The following COL12A1 variants were observed in gnomAD, a reference collection of about 807,000 sequenced individuals.
The protein encoded by COL12A1 is collagen alpha-1(XII) chain.
COL12A1 carries 114 observed loss-of-function variants against 349.7 expected under a neutral mutation model. The observed-to-expected ratio is 0.33, with a 90% CI of 0.28 to 0.38. The LOEUF is 0.38. COL12A1 is among the 10% of genes least tolerant of loss of function. The pLI, the probability that COL12A1 is intolerant of heterozygous loss-of-function variation, is 1.00. For synonymous variants in COL12A1, 1,369 were observed against 1,329.0 expected (o/e 1.03, Z -0.66); for missense variants, 3,284 against 3,756.9 (o/e 0.87, Z 3.29).
chr6:75,148,687 A>G (rs551440636), intron 21 of COL12A1, among the ~76,000 whole-genome samples, 190 bp from the exon 22 acceptor site: 5 of 152,294 alleles, frequency 3.3e-5, no homozygotes, highest in African/African-American at 1.2e-4. Context: ...ATAGGTAACT[A>G]AAAGGTTTTC....
chr6:75,191,649 T>G, intron 5 of COL12A1, 52 bp downstream of exon 5: 1 of 1,276,412 alleles, frequency 7.8e-7, no homozygotes, highest in Non-Finnish European at 1.1e-6. Flanking sequence ...TGTTCTATCC[T>G]ACATTTATGA....
chr6:75,157,454 C>T (rs577871834), intron 14 of COL12A1, among the ~76,000 whole-genome samples: 35 of 151,378 alleles, frequency 2.3e-4, no homozygotes, highest in Non-Finnish European at 4.7e-4. Context: ...AAAAAAAAAC[C>T]TAAGAAAAAT....
Position 75,086,295 on chromosome 6 carries a change from T to G in COL12A1, c.*252A>C, listed in dbSNP as rs1260501499. On this transcript the variant is annotated 3_prime_UTR_variant, in exon 66 of 66. Transcript: ENST00000322507. ...CTCATGGCTGTGTGTTGGAACTTTT[T>G]TAAAATAATGTTTTTCTACATTATT... 4.0e-5 allele frequency: 10 copies of G among 247,984 alleles called. No individual in the cohort carries two copies. The East Asian group carries it at 7.9e-4, about 20-fold the overall frequency. The allele number at this position is 247,984 out of a possible 1,614,324, so 15.4% of individuals were successfully genotyped here.
rs1767454636 is a variant in COL12A1 at position 75,085,680 on chromosome 6, A to C, written c.*867T>G. 3.9e-6 allele frequency: 1 copy of C among 256,136 alleles called. No homozygotes were observed. The highest frequency in any genetic ancestry group is 2.2e-5 in the African/African-American group (1 of 44,734). 15.9% of individuals were successfully genotyped at this position (256,136 alleles called of 1,614,324 possible). ...CTAAGTAGGATTTTCGCAAATCCCC[A>C]AGTAACTGTTTATGCCTTCAAACTC... On this transcript the variant is annotated 3_prime_UTR_variant, in exon 66 of 66. Transcript: ENST00000322507.
chr6:75,177,360 C>A (rs1468654521), intron 12 of COL12A1, among the ~76,000 whole-genome samples: 1 of 151,976 alleles, frequency 6.6e-6, no homozygotes, highest in Admixed American at 6.5e-5. Flanking sequence ...TCACTTGAAC[C>A]CAGGAGGCAG....
At chr6:75,121,169 T>C (rs1177670819) in intron 44 of COL12A1, 133 bp downstream of exon 44, 1 of 761,750 alleles carries the variant, frequency 1.3e-6, no homozygotes, top group Non-Finnish European at 1.9e-6. Context: ...CAAAAATACA[T>C]GAATAAAAGA....
chr6:75,172,332 T>A (rs979876176), intron 13 of COL12A1, among the ~76,000 whole-genome samples: 7 of 152,224 alleles, frequency 4.6e-5, no homozygotes, highest in African/African-American at 1.4e-4. Flanking sequence ...CAAAAATGCC[T>A]TAATTTTTAG....
intron 6 of COL12A1, 45 bp downstream of exon 6, chr6:75,189,507 G>T: frequency 6.3e-7 from 1 of 1,586,848 alleles, no homozygotes; most frequent in South Asian, 1.2e-5. Context: ...TTCTGAAACA[G>T]ACATTTCATT....
intron 22 of COL12A1, among the ~76,000 whole-genome samples, chr6:75,148,152 G>A (rs533427032): frequency 6.6e-6 from 1 of 152,148 alleles, no homozygotes; most frequent in Admixed American, 6.5e-5. Flanking sequence ...GAAACCGTAA[G>A]AATTTAAGCA....
chr6:75,182,576 T>C (rs1388963718), intron 10 of COL12A1, among the ~76,000 whole-genome samples: 2 of 152,284 alleles, frequency 1.3e-5, no homozygotes, highest in South Asian at 2.1e-4. Flanking sequence ...CATTGAAAAG[T>C]AGATCAGACA....
chr6:75,113,256 A>G lies in COL12A1; in HGVS notation c.7898T>C (p.Val2633Ala), dbSNP rs200408101. Residue 2633 changes from valine to alanine, a missense_variant, in exon 51 of 66, where the codon GTT (valine) becomes GCT (alanine). Physicochemically the swap from Val to Ala is moderately conservative, Grantham distance 64. Coordinates refer to ENST00000322507, the MANE Select transcript of COL12A1 (RefSeq NM_004370.6). ...CTTTACTTCTTCTGTGTCAAATGTA[A>G]CAGTTTGCACCTCGCCTCTTGTATC... is the stretch of plus-strand genomic sequence containing the variant. ...NKDTRGEVQT[V>A]TFDTEEVKTL... The G allele has an allele frequency of 3.3e-4, 511 of 1,565,532 alleles. 3 individuals are homozygous for G. In the African/African-American group the frequency reaches 4.0e-3, roughly 12 times the overall value.
intron 40 of COL12A1, among the ~76,000 whole-genome samples, chr6:75,124,642 G>A (rs1012833121): frequency 5.3e-5 from 8 of 152,026 alleles, no homozygotes; most frequent in Non-Finnish European, 8.8e-5. Flanking sequence ...GGAAAATAAT[G>A]AAAACAATTT....
chr6:75,151,686 G>GT (rs1454163053), intron 20 of COL12A1, among the ~76,000 whole-genome samples, 181 bp downstream of exon 20: 2 of 151,990 alleles, frequency 1.3e-5, no homozygotes, highest in East Asian at 3.9e-4. Flanking sequence ...AAACCATGTA[G>GT]TTTTGTCCCC....
intron 13 of COL12A1, among the ~76,000 whole-genome samples, chr6:75,168,960 G>A (rs768322227): frequency 7.2e-5 from 11 of 152,094 alleles, no homozygotes; most frequent in Non-Finnish European, 1.0e-4. Context: ...TGCTTTAGGC[G>A]GCAAAATAAT....
intron 2 of COL12A1, among the ~76,000 whole-genome samples, chr6:75,197,308 CTTTTCTT>C (rs1562325023): frequency 1.2e-4 from 3 of 26,056 alleles, no homozygotes; most frequent in Non-Finnish European, 2.6e-4. Flanking sequence ...ATTTTCTTTT[CTTTTCTT>C]TTTTTTTTTT....
At position 75,112,121 on chromosome 6, in the gene COL12A1, T is replaced by A. The variant is rs10484914; in HGVS notation, c.7950+1083A>T. The stretch of plus-strand genomic sequence containing the variant: ...TAAAGCATCTGTGCAACAACTGGTA[T>A]TCCTGTTAACATAATCCAATGGATG... On this transcript the variant is annotated intron_variant, in intron 51 of 65. Transcript: ENST00000322507. Among the ~76,000 whole-genome samples the A allele has an allele frequency of 7.8e-3, 1,179 of 151,920 alleles. 57 individuals carry two copies. The highest frequency in any genetic ancestry group is 0.069 in the Admixed American group (1,052 of 15,232).
At chr6:75,196,299 T>A (rs1770224286) in intron 2 of COL12A1, among the ~76,000 whole-genome samples, 1 of 152,196 alleles carries the variant, frequency 6.6e-6, no homozygotes, top group Non-Finnish European at 1.5e-5. Flanking sequence ...TTTTGAGAGA[T>A]TACAATTTCC....
At chr6:75,173,051 C>A (rs1419835861) in intron 13 of COL12A1, among the ~76,000 whole-genome samples, 2 of 152,142 alleles carry the variant, frequency 1.3e-5, no homozygotes. Flanking sequence ...GATATCAGAT[C>A]TAAAGTTAAT....
At chr6:75,184,171 T>G (rs1562298201) in intron 8 of COL12A1, 27 bp from the exon 9 acceptor site, 2 of 1,604,114 alleles carry the variant, frequency 1.2e-6, no homozygotes, top group Non-Finnish European at 1.7e-6. Flanking sequence ...AGACAGTGAT[T>G]AATAACAGTG....
Sources: allele counts gnomAD v4.1 joint callset (sites outside exome capture counted in the v4.1 genomes callset), GRCh38; gene constraint gnomAD v4.1.1; transcripts MANE v1.5; gene names NCBI Gene and HGNC (gene_info 2026-07-23, HGNC 2026-07-21).